Variants in SERPINB10 observed in about 807,000 individuals in gnomAD.
The protein encoded by SERPINB10 is serpin B10.
In SERPINB10, 35 loss-of-function variants were observed where a neutral mutation model predicts 39.1. The ratio of observed to expected loss-of-function variants is 0.90; its 90% CI spans 0.68 to 1.19. The LOEUF is 1.19. Ranked by LOEUF, SERPINB10 falls within the 50% of genes most tolerant of loss-of-function variation. The pLI, the probability that SERPINB10 is intolerant of heterozygous loss-of-function variation, is 0.00. For missense variants in SERPINB10, 546 were observed against 460.5 expected (o/e 1.19, Z -1.70); for synonymous variants, 190 against 158.1 (o/e 1.20, Z -1.52).
chr18:63,920,028 T>G, intron 5 of SERPINB10, 123 bp downstream of exon 5: 2 of 524,840 alleles, frequency 3.8e-6, no homozygotes, highest in South Asian at 5.8e-5. Flanking sequence ...TTGTAAATAT[T>G]CAGAACATTT....
At chr18:63,927,651 T>G (rs1382452526) in intron 5 of SERPINB10, among the ~76,000 whole-genome samples, 2 of 152,078 alleles carry the variant, frequency 1.3e-5, no homozygotes, top group Admixed American at 1.3e-4. Context: ...CTGTTAATTC[T>G]ATCACACTGA....
intron 5 of SERPINB10, among the ~76,000 whole-genome samples, 176 bp from the exon 6 acceptor site, chr18:63,929,869 T>C (rs1438235798): frequency 6.6e-6 from 1 of 152,142 alleles, no homozygotes; most frequent in Non-Finnish European, 1.5e-5. Context: ...GGTTTCTCTA[T>C]TTATTCACAG....
intron 6 of SERPINB10, among the ~76,000 whole-genome samples, chr18:63,931,719 T>C (rs184305672): frequency 6.6e-5 from 10 of 152,290 alleles, no homozygotes; most frequent in African/African-American, 2.4e-4. Flanking sequence ...CTTACATTAG[T>C]GTGGCATATT....
chr18:63,924,987 C>T (rs2050170953), intron 5 of SERPINB10, among the ~76,000 whole-genome samples: 1 of 151,892 alleles, frequency 6.6e-6, no homozygotes, highest in East Asian at 1.9e-4. Context: ...AAAAAAAGTA[C>T]ACAAATATTG....
At chr18:63,916,117 T>C (rs62097490) in intron 2 of SERPINB10, among the ~76,000 whole-genome samples, 3,338 of 152,054 alleles carry the variant, frequency 0.022, 115 homozygotes, top group African/African-American at 0.07. Context: ...CTCTCTTTGT[T>C]TAGTCCCTGG....
intron 6 of SERPINB10, among the ~76,000 whole-genome samples, chr18:63,931,567 T>C (rs1483422479): frequency 6.6e-6 from 1 of 152,178 alleles, no homozygotes; most frequent in Non-Finnish European, 1.5e-5. Flanking sequence ...TTTGTTTTGC[T>C]TTCATTTGGC....
intron 5 of SERPINB10, among the ~76,000 whole-genome samples, chr18:63,925,238 A>G (rs1443326364): frequency 2.0e-5 from 3 of 151,994 alleles, no homozygotes. Context: ...AATTCAATAG[A>G]TAAATGTAGA....
intron 5 of SERPINB10, among the ~76,000 whole-genome samples, chr18:63,922,626 G>A (rs895967786): frequency 5.9e-5 from 9 of 151,938 alleles, no homozygotes; most frequent in Admixed American, 2.0e-4. Flanking sequence ...CTGTTGTCTG[G>A]TGCCACATAA....
chr18:63,909,323 A>G (rs1387550958), intron 1 of SERPINB10, among the ~76,000 whole-genome samples: 1 of 152,012 alleles, frequency 6.6e-6, no homozygotes. Context: ...ATTGTCCAAC[A>G]TTTGTATGGA....
In SERPINB10 at chr18:63,919,777, A is replaced by G; in HGVS notation, c.373-11A>G. The G allele has an allele frequency of 2.6e-6, 4 of 1,533,688 alleles. No individual in the cohort carries two copies. The highest frequency in any genetic ancestry group is 1.2e-5 in the South Asian group (1 of 86,272). The stretch of plus-strand genomic sequence containing the variant: ...ACTCTACAAAAGGGGATTTTTATCT[A>G]TGTCTTTCAGAAATATTTAGAAGAC... On this transcript the variant is annotated splice_polypyrimidine_tract_variant and intron_variant, in intron 4 of 7. Coordinates refer to ENST00000238508, the MANE Select transcript of SERPINB10 (RefSeq NM_005024.3).
chr18:63,922,321 G>A (rs887899544), intron 5 of SERPINB10, among the ~76,000 whole-genome samples: 2 of 151,914 alleles, frequency 1.3e-5, no homozygotes, highest in Non-Finnish European at 2.9e-5. Flanking sequence ...AGTTTGTTTT[G>A]TTTAGAATTA....
chr18:63,922,890 T>C (rs1599084722), intron 5 of SERPINB10, among the ~76,000 whole-genome samples: 1 of 152,096 alleles, frequency 6.6e-6, no homozygotes, highest in East Asian at 1.9e-4. Flanking sequence ...TTAATTTAAA[T>C]TTAAGTAGCC....
chr18:63,912,919 T>A (rs1163321431), intron 1 of SERPINB10, among the ~76,000 whole-genome samples: 2 of 151,842 alleles, frequency 1.3e-5, no homozygotes, highest in East Asian at 3.9e-4. Flanking sequence ...GGGCGTTTTT[T>A]GGTTGGTAGG....
At chr18:63,912,357 G>T (rs891316512) in intron 1 of SERPINB10, among the ~76,000 whole-genome samples, 1 of 151,922 alleles carries the variant, frequency 6.6e-6, no homozygotes, top group Non-Finnish European at 1.5e-5. Flanking sequence ...TTCTTGTCTT[G>T]TTCCAGTTCT....
intron 5 of SERPINB10, among the ~76,000 whole-genome samples, chr18:63,921,562 T>G (rs963587577): frequency 1.3e-5 from 2 of 151,976 alleles, no homozygotes; most frequent in Non-Finnish European, 2.9e-5. Flanking sequence ...ATCTTTTATC[T>G]GCACAAATGC....
intron 5 of SERPINB10, among the ~76,000 whole-genome samples, chr18:63,928,751 G>A (rs2050197940): frequency 6.6e-6 from 1 of 151,650 alleles, no homozygotes; most frequent in Non-Finnish European, 1.5e-5. Context: ...TCCTTGAAGA[G>A]GTCCTTGACA....
intron 5 of SERPINB10, among the ~76,000 whole-genome samples, chr18:63,920,907 C>T (rs1034814785): frequency 6.6e-6 from 1 of 151,962 alleles, no homozygotes; most frequent in African/African-American, 2.4e-5. Flanking sequence ...GAAGGATTCT[C>T]CCAGGCAATT....
chr18:63,910,806 CT>C (rs1332497594), intron 1 of SERPINB10, among the ~76,000 whole-genome samples: 1 of 150,054 alleles, frequency 6.7e-6, no homozygotes, highest in East Asian at 2.0e-4. Context: ...GATTTATTTT[CT>C]TTTGAATGTA....
chr18:63,928,787 A>G (rs920752632), intron 5 of SERPINB10, among the ~76,000 whole-genome samples: 2 of 149,974 alleles, frequency 1.3e-5, no homozygotes, highest in Non-Finnish European at 3.0e-5. Context: ...ATTCCTAGGT[A>G]TTTTATTCTC....
Sources: gnomAD v4.1 joint callset for allele counts (sites outside exome capture counted in the v4.1 genomes callset) on GRCh38, gnomAD v4.1.1 for gene constraint, MANE v1.5 for transcripts, NCBI Gene and HGNC (gene_info 2026-07-23, HGNC 2026-07-21) for gene names.